Variants in CNTNAP2 observed in about 807,000 individuals in gnomAD.
CNTNAP2 encodes contactin-associated protein-like 2.
Under a neutral mutation model 155.2 loss-of-function variants are expected in CNTNAP2, and 98 were observed. The ratio of observed to expected loss-of-function variants is 0.63; its 90% CI spans 0.54 to 0.75. The LOEUF (loss-of-function observed/expected upper bound fraction) is 0.75. Ranked by LOEUF, CNTNAP2 falls within the 30% of genes least tolerant of loss-of-function variation. The pLI is 0.00. For missense variants in CNTNAP2, 1,727 were observed against 1,688.1 expected (o/e 1.02, Z -0.40); for synonymous variants, 651 against 631.2 (o/e 1.03, Z -0.47).
At chr7:146,944,009 G>A (rs189591533) in intron 3 of CNTNAP2, among the ~76,000 whole-genome samples, 2 of 151,640 alleles carry the variant, frequency 1.3e-5, no homozygotes. Flanking sequence ...CTTTACTTTT[G>A]TTTATATTTC....
intron 19 of CNTNAP2, among the ~76,000 whole-genome samples, chr7:148,220,227 C>T (rs1795720620): frequency 6.6e-6 from 1 of 152,278 alleles, no homozygotes; most frequent in Non-Finnish European, 1.5e-5. Context: ...CTCAGCCTCC[C>T]GAGTAGCTGG....
intron 15 of CNTNAP2, among the ~76,000 whole-genome samples, chr7:148,065,836 C>G (rs933972325): frequency 9.9e-5 from 15 of 152,098 alleles, no homozygotes; most frequent in Admixed American, 9.2e-4. Flanking sequence ...TAGTTGTTGC[C>G]TGAATACCTT....
intron 8 of CNTNAP2, among the ~76,000 whole-genome samples, chr7:147,213,571 C>CAAAAA (rs5888241): frequency 2.9e-5 from 4 of 139,994 alleles, no homozygotes; most frequent in African/African-American, 1.0e-4. Context: ...GCCCTCATCG[C>CAAAAA]AAAAAAAAAA....
At chr7:146,522,080 G>A (rs1797624374) in intron 1 of CNTNAP2, among the ~76,000 whole-genome samples, 1 of 151,944 alleles carries the variant, frequency 6.6e-6, no homozygotes, top group Non-Finnish European at 1.5e-5. Context: ...ATTTTCTGAT[G>A]AATTTCAATA....
chr7:147,315,691 A>C (rs190297339), intron 9 of CNTNAP2, among the ~76,000 whole-genome samples: 1 of 152,102 alleles, frequency 6.6e-6, no homozygotes, highest in African/African-American at 2.4e-5. Flanking sequence ...TGTGTCAGCC[A>C]TGATGGTCTC....
At chr7:147,834,233 T>C (rs912222461) in intron 13 of CNTNAP2, among the ~76,000 whole-genome samples, 2 of 152,214 alleles carry the variant, frequency 1.3e-5, no homozygotes, top group Non-Finnish European at 2.9e-5. Context: ...GAACATGTTA[T>C]ATTGTTTGGG....
chr7:148,080,001 T>C (rs955892624), intron 15 of CNTNAP2, among the ~76,000 whole-genome samples: 4 of 152,206 alleles, frequency 2.6e-5, no homozygotes, highest in Admixed American at 6.5e-5. Flanking sequence ...GTATCACTGT[T>C]GTGCCAAAGT....
At chr7:147,683,639 A>G (rs1444586172) in intron 13 of CNTNAP2, among the ~76,000 whole-genome samples, 4 of 151,844 alleles carry the variant, frequency 2.6e-5, no homozygotes, top group African/African-American at 9.7e-5. Flanking sequence ...AAAACTTGAG[A>G]AACATAAAAG....
At chr7:148,139,192 A>C (rs1040768414) in intron 16 of CNTNAP2, among the ~76,000 whole-genome samples, 1 of 152,200 alleles carries the variant, frequency 6.6e-6, no homozygotes, top group African/African-American at 2.4e-5. Flanking sequence ...TTCCTTGAAG[A>C]ATTTCCAGAA....
intron 1 of CNTNAP2, among the ~76,000 whole-genome samples, chr7:146,731,262 G>A (rs1049635676): frequency 3.9e-5 from 6 of 152,036 alleles, no homozygotes; most frequent in African/African-American, 1.4e-4. Context: ...CTCACAGTGC[G>A]GCTGGATGAC....
chr7:147,260,328 A>G (rs1563137108), intron 8 of CNTNAP2, among the ~76,000 whole-genome samples: 1 of 152,220 alleles, frequency 6.6e-6, no homozygotes, highest in Admixed American at 6.5e-5. Context: ...TTTTTGTTTC[A>G]GGTCTCTAAG....
chr7:148,300,847 A>T (rs753963409), intron 21 of CNTNAP2, among the ~76,000 whole-genome samples: 4 of 152,128 alleles, frequency 2.6e-5, no homozygotes, highest in Non-Finnish European at 5.9e-5. Context: ...TCAGATGGTG[A>T]CTGCCAGGGG....
rs147391849 is a variant in CNTNAP2, at chr7:146,538,794, TTGA to T, written c.98-235472_98-235470del. On this transcript the variant is annotated intron_variant, in intron 1 of 23. Coordinates refer to ENST00000361727, the MANE Select transcript of CNTNAP2 (RefSeq NM_014141.6). ...AATAAGTTTAAAAGCAGACAAAAAA[TTGA>T]TGATAATATGAAACTGTGATGTGAT... 7.3e-3 allele frequency among the ~76,000 whole-genome samples: 1,101 copies of T among 150,646 alleles called. 11 individuals are homozygous for T. The highest frequency in any genetic ancestry group is 0.025 in the African/African-American group (1,030 of 40,988).
chr7:148,136,514 C>T (rs1002215986), intron 16 of CNTNAP2, among the ~76,000 whole-genome samples: 1 of 152,166 alleles, frequency 6.6e-6, no homozygotes, highest in Non-Finnish European at 1.5e-5. Flanking sequence ...GCACTATGCT[C>T]ATATAGCCTG....
intron 8 of CNTNAP2, among the ~76,000 whole-genome samples, chr7:147,141,560 A>C (rs1036545263): frequency 4.6e-5 from 7 of 152,116 alleles, no homozygotes; most frequent in African/African-American, 1.2e-4. Context: ...TTAAAAAAAA[A>C]CACAGGAATA....
intron 1 of CNTNAP2, among the ~76,000 whole-genome samples, chr7:146,726,801 A>G (rs1801438234): frequency 6.6e-6 from 1 of 152,194 alleles, no homozygotes; most frequent in African/African-American, 2.4e-5. Flanking sequence ...AGTACCTAAT[A>G]ATAATGCCAT....
At chr7:146,183,890 G>A (rs1356563051) in intron 1 of CNTNAP2, among the ~76,000 whole-genome samples, 1 of 152,042 alleles carries the variant, frequency 6.6e-6, no homozygotes, top group Non-Finnish European at 1.5e-5. Context: ...AATCTCTCAA[G>A]GCTCACACTC....
chr7:147,434,111 G>A (rs1797509266), intron 10 of CNTNAP2, among the ~76,000 whole-genome samples: 1 of 152,172 alleles, frequency 6.6e-6, no homozygotes, highest in African/African-American at 2.4e-5. Context: ...AGCATAGAAA[G>A]TGAAGAAATA....
chr7:146,256,532 A>T (rs1799840244), intron 1 of CNTNAP2, among the ~76,000 whole-genome samples: 1 of 151,974 alleles, frequency 6.6e-6, no homozygotes, highest in Admixed American at 6.6e-5. Flanking sequence ...AAATATAACG[A>T]ATATTAATTA....
Sources: gnomAD v4.1 joint callset for allele counts (sites outside exome capture counted in the v4.1 genomes callset) on GRCh38, gnomAD v4.1.1 for gene constraint, MANE v1.5 for transcripts, NCBI Gene and HGNC (gene_info 2026-07-23, HGNC 2026-07-21) for gene names.